CDH12: variants seen among roughly 807,000 people sequenced by gnomAD.
CDH12 encodes cadherin-12.
CDH12 carries 41 observed loss-of-function variants against 74.1 expected under a neutral mutation model. That is an observed-to-expected ratio of 0.55 (90% CI 0.43 to 0.72). CDH12 has a LOEUF of 0.72. Ranked by LOEUF, CDH12 falls within the 30% of genes least tolerant of loss-of-function variation. The pLI is 0.00. For synonymous variants in CDH12, 399 were observed against 355.0 expected, an observed-to-expected ratio of 1.12 and a Z score of -1.39; for missense variants, 945 against 977.2, an observed-to-expected ratio of 0.97 and a Z score of 0.44.
chr5:22,727,745 T>C (rs1308259548), intron 1 of CDH12, among the ~76,000 whole-genome samples: 3 of 151,758 alleles, frequency 2.0e-5, no homozygotes, highest in Non-Finnish European at 3.0e-5. Context: ...TTTTTAATCG[T>C]TTATTTCATC....
At chr5:21,943,177 C>T (rs1429685593) in intron 6 of CDH12, among the ~76,000 whole-genome samples, 1 of 152,054 alleles carries the variant, frequency 6.6e-6, no homozygotes, top group African/African-American at 2.4e-5. Context: ...AACTGTGAGT[C>T]AATTAAGCCT....
intron 1 of CDH12, among the ~76,000 whole-genome samples, chr5:22,712,924 T>C (rs1743362924): frequency 6.6e-6 from 1 of 152,054 alleles, no homozygotes; most frequent in Non-Finnish European, 1.5e-5. Flanking sequence ...CTATACAAGT[T>C]AGTTTTAAAA....
chr5:22,705,174 AC>A (rs1172338412), intron 1 of CDH12, among the ~76,000 whole-genome samples: 1 of 129,246 alleles, frequency 7.7e-6, no homozygotes, highest in Non-Finnish European at 1.7e-5. Flanking sequence ...GTGTAGAGAT[AC>A]GTGTGTGTGT....
At chr5:21,990,299 T>C (rs1316352498) in intron 5 of CDH12, among the ~76,000 whole-genome samples, 1 of 152,154 alleles carries the variant, frequency 6.6e-6, no homozygotes, top group Non-Finnish European at 1.5e-5. Context: ...CGTTTGAATT[T>C]TTGTTTGGCA....
intron 10 of CDH12, among the ~76,000 whole-genome samples, chr5:21,800,882 A>G (rs1270683677): frequency 1.3e-5 from 2 of 152,084 alleles, no homozygotes; most frequent in Non-Finnish European, 2.9e-5. Context: ...GCTGCCATGT[A>G]AGATGCGCCT....
intron 8 of CDH12, among the ~76,000 whole-genome samples, chr5:21,820,001 T>C (rs1748276569): frequency 6.6e-6 from 1 of 152,000 alleles, no homozygotes; most frequent in Admixed American, 6.6e-5. Context: ...TACACATCGA[T>C]GAAAATGATA....
intron 8 of CDH12, among the ~76,000 whole-genome samples, chr5:21,830,031 T>A (rs1270181392): frequency 6.6e-6 from 1 of 151,350 alleles, no homozygotes; most frequent in Non-Finnish European, 1.5e-5. Flanking sequence ...AAACCCCATC[T>A]CTACTAAAAA....
chr5:22,321,526 G>T (rs1295105200), intron 3 of CDH12, among the ~76,000 whole-genome samples: 1 of 141,776 alleles, frequency 7.1e-6, no homozygotes, highest in African/African-American at 2.7e-5. Context: ...GATAGCATTG[G>T]GAGATATACC....
intron 8 of CDH12, among the ~76,000 whole-genome samples, chr5:21,833,205 T>TTATAATATATATGTTATATAACA (rs1749245753): frequency 1.1e-4 from 2 of 18,198 alleles, no homozygotes; most frequent in South Asian, 2.1e-3. Context: ...AATATATATA[T>TTATAATATATATGTTATATAACA]TATAATATAT....
intron 1 of CDH12, among the ~76,000 whole-genome samples, chr5:22,752,789 T>C (rs1022048302): frequency 6.6e-6 from 1 of 151,404 alleles, no homozygotes; most frequent in Non-Finnish European, 1.5e-5. Flanking sequence ...TTAGCCGGGA[T>C]GGTCTCGATC....
intron 4 of CDH12, among the ~76,000 whole-genome samples, chr5:22,185,597 A>G (rs1301125195): frequency 6.6e-6 from 1 of 152,298 alleles, no homozygotes; most frequent in Non-Finnish European, 1.5e-5. Flanking sequence ...GACATTATTT[A>G]CTATTCATTG....
At chr5:22,765,601 G>A (rs199902834) in intron 1 of CDH12, among the ~76,000 whole-genome samples, 1 of 151,908 alleles carries the variant, frequency 6.6e-6, no homozygotes, top group Non-Finnish European at 1.5e-5. Flanking sequence ...ATCAAGTGGT[G>A]CATACACTTG....
intron 1 of CDH12, among the ~76,000 whole-genome samples, chr5:22,669,586 C>G (rs1740800094): frequency 6.6e-6 from 1 of 152,180 alleles, no homozygotes; most frequent in South Asian, 2.1e-4. Context: ...GTCACTGGGT[C>G]TTGTTCTGTC....
chr5:22,368,655 T>C (rs906299172), intron 3 of CDH12, among the ~76,000 whole-genome samples: 1 of 152,192 alleles, frequency 6.6e-6, no homozygotes, highest in South Asian at 2.1e-4. Context: ...TTAACATATA[T>C]CTATAGTAAT....
intron 1 of CDH12, among the ~76,000 whole-genome samples, chr5:22,749,061 T>C (rs10069824): frequency 6.6e-5 from 10 of 152,192 alleles, no homozygotes; most frequent in African/African-American, 2.4e-4. Context: ...CTCTCAATGC[T>C]TTTAGGACAA....
chr5:22,601,155 T>G (rs536964930), intron 1 of CDH12, among the ~76,000 whole-genome samples: 20 of 152,270 alleles, frequency 1.3e-4, no homozygotes, highest in African/African-American at 4.8e-4. Context: ...AAATTTTATT[T>G]ATTTTTTTAA....
Position 21,854,711 on chromosome 5 carries a change from A to G in CDH12, c.606T>C (p.Ile202=), listed in dbSNP as rs768050753. 1.6e-5 allele frequency: 26 copies of G among 1,607,318 alleles called. No individual in the cohort carries two copies. Among genetic ancestry groups the G allele is most frequent in the Non-Finnish European group, 2.2e-5 (26 of 1,175,016 alleles). ...TAGAGAAATAAGGTTGTCCCTGAAGAATGCTGTAAACGACTCTGGCACTGT... is the reference window on the plus strand; with the variant it reads ...TAGAGAAATAAGGTTGTCCCTGAAGGATGCTGTAAACGACTCTGGCACTGT... ...YGNSARVVYS[I]LQGQPYFSID... The change falls in exon 7 of 15, where the codon ATT becomes ATC. Residue 202 remains isoleucine, a synonymous_variant. Coordinates refer to ENST00000382254, the MANE Select transcript of CDH12 (RefSeq NM_004061.5).
At chr5:22,547,906 C>T (rs1197398014) in intron 1 of CDH12, among the ~76,000 whole-genome samples, 2 of 152,106 alleles carry the variant, frequency 1.3e-5, no homozygotes, top group Non-Finnish European at 2.9e-5. Context: ...AAACCTTCTC[C>T]CCAACTCCAT....
At chr5:22,453,346 G>A (rs1443586785) in intron 2 of CDH12, among the ~76,000 whole-genome samples, 3 of 152,124 alleles carry the variant, frequency 2.0e-5, no homozygotes, top group Non-Finnish European at 4.4e-5. Context: ...GTGTTCACCA[G>A]TGGATAAAGG....
Sources: allele counts gnomAD v4.1 joint callset (sites outside exome capture counted in the v4.1 genomes callset), GRCh38; gene constraint gnomAD v4.1.1; transcripts MANE v1.5; gene names NCBI Gene and HGNC (gene_info 2026-07-23, HGNC 2026-07-21).